The following IL31RA variants were observed in gnomAD, a reference collection of about 807,000 sequenced individuals.
IL31RA encodes interleukin-31 receptor subunit alpha.
A neutral mutation model predicts 83.7 loss-of-function variants in IL31RA; 66 were observed. The observed-to-expected ratio is 0.79, with a 90% CI of 0.65 to 0.97. IL31RA has a LOEUF of 0.97. Among genes scored for constraint, IL31RA ranks in the 50% least tolerant of loss-of-function variants. IL31RA has a pLI of 0.00. For missense variants in IL31RA, 798 were observed against 919.4 expected (o/e 0.87, Z 1.71); for synonymous variants, 325 against 329.0 (o/e 0.99, Z 0.13).
rs924363820 is a variant in IL31RA, at chr5:55,918,673, C to T, written c.*1553C>T. Reference sequence around the variant, plus strand: ...GCCTCGTGTGTTTACTATGGTCCCTCCTGTCCCTGTTGGGTCACCTACCAC... The same window carrying T: ...GCCTCGTGTGTTTACTATGGTCCCTTCTGTCCCTGTTGGGTCACCTACCAC... On this transcript the variant is annotated 3_prime_UTR_variant, in exon 15 of 15. Transcript: ENST00000652347. 5.3e-5 allele frequency among the ~76,000 whole-genome samples: 8 copies of T among 152,166 alleles called. No homozygotes were observed. Among genetic ancestry groups the T allele is most frequent in the Non-Finnish European group, 1.0e-4 (7 of 68,028 alleles).
At chr5:55,908,128 C>A (rs1384031547) in intron 10 of IL31RA, 137 bp from the exon 11 acceptor site, 2 of 1,191,604 alleles carry the variant, frequency 1.7e-6, no homozygotes, top group Non-Finnish European at 2.4e-6. Flanking sequence ...CAAGCTGATT[C>A]ATCAATTCCC....
At chr5:55,853,291 T>C in intron 1 of IL31RA, 1 of 1,208,064 alleles carries the variant, frequency 8.3e-7, no homozygotes, top group African/African-American at 1.6e-5. Flanking sequence ...TTTGTAGAGT[T>C]GAGTGTTTTT....
chr5:55,913,258 T>G (rs2112583623), intron 12 of IL31RA, among the ~76,000 whole-genome samples: 1 of 152,166 alleles, frequency 6.6e-6, no homozygotes, highest in African/African-American at 2.4e-5. Context: ...ACCCGGCTAA[T>G]TTTTTGTATC....
At chr5:55,862,590 G>T (rs900895193) in intron 2 of IL31RA, among the ~76,000 whole-genome samples, 1 of 152,238 alleles carries the variant, frequency 6.6e-6, no homozygotes, top group Non-Finnish European at 1.5e-5. Context: ...TGTATTTTTA[G>T]TAGAGATGGG....
rs549732876 is a variant in IL31RA at position 55,919,760 on chromosome 5, C to T, written c.*2640C>T. On this transcript the variant is annotated 3_prime_UTR_variant, in exon 15 of 15. Coordinates refer to ENST00000652347, the MANE Select transcript of IL31RA (RefSeq NM_139017.7). ...CACTGGTGGGCCACACCTTAGCTCT[C>T]CTGAGCAGGTTCACAGGATGTGAGC... Among the ~76,000 whole-genome samples, 15 of 152,262 alleles carry T rather than the reference C, an allele frequency of 9.9e-5. No individual in the cohort carries two copies. The highest frequency in any genetic ancestry group is 3.6e-4 in the African/African-American group (15 of 41,556).
chr5:55,914,782 C>A (rs541716548), intron 13 of IL31RA, 65 bp from the exon 14 acceptor site: 1 of 1,159,446 alleles, frequency 8.6e-7, no homozygotes, highest in Non-Finnish European at 1.3e-6. Flanking sequence ...ACTCTTTTGA[C>A]TCAGCCATAT....
At chr5:55,908,594 T>C in intron 11 of IL31RA, 183 bp downstream of exon 11, 1 of 1,551,232 alleles carries the variant, frequency 6.4e-7, no homozygotes, top group Non-Finnish European at 8.7e-7. Flanking sequence ...GTTTTGGGGG[T>C]TAAATGAGAG....
At chr5:55,914,639 A>T (rs1389968356) in intron 13 of IL31RA, among the ~76,000 whole-genome samples, 1 of 152,126 alleles carries the variant, frequency 6.6e-6, no homozygotes, top group Non-Finnish European at 1.5e-5. Context: ...GTCTCCTTTG[A>T]TCACATCCCA....
rs1217933650 is a variant in IL31RA, at chr5:55,918,456, C to T, written c.*1336C>T. Among the ~76,000 whole-genome samples, 1 of 152,172 alleles carries T rather than the reference C, an allele frequency of 6.6e-6. No individual in the cohort carries two copies. The highest frequency in any genetic ancestry group is 6.5e-5 in the Admixed American group (1 of 15,278). Reference sequence around the variant, plus strand: ...ACCTGACACTTCAAAGTAACCTCAGCCCAGTATGATGATTTCTGAGTTGCC... The same window carrying T: ...ACCTGACACTTCAAAGTAACCTCAGTCCAGTATGATGATTTCTGAGTTGCC... On this transcript the variant is annotated 3_prime_UTR_variant, in exon 15 of 15. Coordinates refer to ENST00000652347, the MANE Select transcript of IL31RA (RefSeq NM_139017.7).
At chr5:55,867,139 G>GTGTGTGCATGTGTGTGTGTGTGCA (rs371523663) in intron 2 of IL31RA, among the ~76,000 whole-genome samples, 83 of 51,438 alleles carry the variant, frequency 1.6e-3, no homozygotes, top group African/African-American at 5.2e-3. Flanking sequence ...GTGTGTGCAT[G>GTGTGTGCATGTGTGTGTGTGTGCA]TGTGTGTGCA....
intron 1 of IL31RA, among the ~76,000 whole-genome samples, chr5:55,854,265 T>C (rs189862525): frequency 2.6e-5 from 4 of 152,292 alleles, no homozygotes; most frequent in African/African-American, 9.6e-5. Context: ...ACTTTGAAAC[T>C]GGAGGTAGTC....
chr5:55,877,345 T>C (rs999781217), intron 4 of IL31RA, among the ~76,000 whole-genome samples: 2 of 152,230 alleles, frequency 1.3e-5, no homozygotes, highest in Non-Finnish European at 2.9e-5. Flanking sequence ...ACATTAGTCT[T>C]TTAAATTCTT....
chr5:55,879,356 T>C (rs959656424), intron 4 of IL31RA, among the ~76,000 whole-genome samples: 18 of 151,228 alleles, frequency 1.2e-4, no homozygotes, highest in African/African-American at 2.4e-5. Context: ...TGATTTGGTG[T>C]TTATAATGGT....
At position 55,920,641 on chromosome 5, in the gene IL31RA, C is replaced by T. The variant is rs892272408; in HGVS notation, c.*3521C>T. ...GCAGAAAAAATTTGTGGACGCCTAC[C>T]ATAACCCACAGACATGAAACTCAGA... On this transcript the variant is annotated 3_prime_UTR_variant, in exon 15 of 15. Coordinates refer to ENST00000652347, the MANE Select transcript of IL31RA (RefSeq NM_139017.7). 1.3e-5 allele frequency among the ~76,000 whole-genome samples: 2 copies of T among 152,202 alleles called. No homozygotes were observed. Among genetic ancestry groups the T allele is most frequent in the African/African-American group, 4.8e-5 (2 of 41,440 alleles).
At chr5:55,877,643 T>C (rs1746941541) in intron 4 of IL31RA, among the ~76,000 whole-genome samples, 1 of 152,368 alleles carries the variant, frequency 6.6e-6, no homozygotes, top group South Asian at 2.1e-4. Flanking sequence ...TTTTTTTCTC[T>C]TTCAGCACTT....
rs1210518447 is a variant in IL31RA at position 55,920,340 on chromosome 5, G to A, written c.*3220G>A. 3.3e-5 allele frequency among the ~76,000 whole-genome samples: 5 copies of A among 152,242 alleles called. No individual in the cohort carries two copies. Among genetic ancestry groups the A allele is most frequent in the Non-Finnish European group, 7.3e-5 (5 of 68,028 alleles). ...TGCAGCAGGCACCCTGCCACCCAGG[G>A]CAGTGGCCCACGGGCCAAATCCAGG... On this transcript the variant is annotated 3_prime_UTR_variant, in exon 15 of 15. Transcript: ENST00000652347.
the IL31RA span, among the ~76,000 whole-genome samples, chr5:55,844,497 A>G: frequency 6.6e-6 from 1 of 152,206 alleles, no homozygotes; most frequent in Non-Finnish European, 1.5e-5. Flanking sequence ...AATAATAATT[A>G]TAACAATGTA....
chr5:55,877,836 C>T (rs1746953808), intron 4 of IL31RA, among the ~76,000 whole-genome samples: 2 of 152,096 alleles, frequency 1.3e-5, no homozygotes, highest in African/African-American at 4.8e-5. Flanking sequence ...TTGGTATTCA[C>T]TGGGATTCTT....
intron 11 of IL31RA, 64 bp from the exon 12 acceptor site, chr5:55,910,468 C>T (rs1478992556): frequency 1.9e-6 from 3 of 1,589,978 alleles, no homozygotes; most frequent in East Asian, 4.5e-5. Context: ...TATTTTGGTG[C>T]TACTGGGACA....
Sources: allele counts gnomAD v4.1 joint callset (sites outside exome capture counted in the v4.1 genomes callset), GRCh38; gene constraint gnomAD v4.1.1; transcripts MANE v1.5; gene names NCBI Gene and HGNC (gene_info 2026-07-23, HGNC 2026-07-21).